The following ANKRD45 variants were observed in gnomAD, a reference collection of about 807,000 sequenced individuals.
ANKRD45 encodes ankyrin repeat domain-containing protein 45.
A neutral mutation model predicts 28.1 loss-of-function variants in ANKRD45; 21 were observed. The ratio of observed to expected loss-of-function variants is 0.75; its 90% CI spans 0.53 to 1.08. The LOEUF (loss-of-function observed/expected upper bound fraction) is 1.08, where lower values mean the gene tolerates loss of function less well. Ranked by LOEUF, ANKRD45 falls within the 50% of genes least tolerant of loss-of-function variation. ANKRD45 has a pLI of 0.00. For missense variants in ANKRD45, 261 were observed against 308.7 expected (o/e 0.85, Z 1.16); for synonymous variants, 86 against 103.9 (o/e 0.83, Z 1.05).
rs1036617871 is a variant in ANKRD45 at position 173,665,856 on chromosome 1, GA to G, written c.-16+3960del. ...AAACCCCATCTCTACAAAAAATACA[GA>G]AAAAAAAATAGCTGAGCATGGGGGC... is the stretch of plus-strand genomic sequence containing the variant. On this transcript the variant is annotated intron_variant, in intron 1 of 5. Coordinates refer to ENST00000333279, the MANE Select transcript of ANKRD45 (RefSeq NM_198493.3). Among the ~76,000 whole-genome samples, 24 of 150,350 alleles carry G rather than the reference GA, an allele frequency of 1.6e-4. 1 individual carries two copies. In the South Asian group the frequency reaches 4.6e-3, roughly 29 times the overall value.
the ANKRD45 span, among the ~76,000 whole-genome samples, chr1:173,683,934 C>T: frequency 6.6e-6 from 1 of 152,116 alleles, no homozygotes; most frequent in African/African-American, 2.4e-5. Context: ...GGTTCTTATC[C>T]CTGACACATG....
At chr1:173,695,025 A>C in the ANKRD45 span, among the ~76,000 whole-genome samples, 8 of 152,160 alleles carry the variant, frequency 5.3e-5, no homozygotes, top group East Asian at 1.5e-3. Flanking sequence ...ATTACTGGTA[A>C]AATTGAGAAA....
At chr1:173,655,108 C>A (rs1162675630) in intron 2 of ANKRD45, among the ~76,000 whole-genome samples, 1 of 152,154 alleles carries the variant, frequency 6.6e-6, no homozygotes, top group African/African-American at 2.4e-5. Flanking sequence ...GTCAACTCAT[C>A]AAAGTCATTC....
At chr1:173,611,576 T>TATAC (rs1361301689) in intron 5 of ANKRD45, among the ~76,000 whole-genome samples, 1 of 133,910 alleles carries the variant, frequency 7.5e-6, no homozygotes, top group Non-Finnish European at 1.7e-5. Flanking sequence ...AATACATACA[T>TATAC]ACACACACAC....
At chr1:173,632,801 T>G (rs1052822466) in intron 3 of ANKRD45, among the ~76,000 whole-genome samples, 2 of 151,920 alleles carry the variant, frequency 1.3e-5, no homozygotes, top group Admixed American at 1.3e-4. Context: ...AAATTTAATA[T>G]TCCTTCATGT....
chr1:173,704,111 C>G, the ANKRD45 span, among the ~76,000 whole-genome samples: 4 of 152,164 alleles, frequency 2.6e-5, no homozygotes, highest in Non-Finnish European at 1.5e-5. Flanking sequence ...GGTGGGGAGG[C>G]CTTTTCAACT....
the ANKRD45 span, among the ~76,000 whole-genome samples, chr1:173,689,651 C>T: frequency 1.3e-5 from 2 of 152,126 alleles, no homozygotes; most frequent in Non-Finnish European, 2.9e-5. Context: ...ATCTCATAGG[C>T]CCTTCGTCCT....
chr1:173,682,682 A>AGT, the ANKRD45 span, among the ~76,000 whole-genome samples: 9,277 of 95,242 alleles, frequency 0.097, 438 homozygotes, highest in East Asian at 0.39. Flanking sequence ...AGGCCTTTTA[A>AGT]ATACACACAC....
In ANKRD45 at chr1:173,653,756, G is replaced by A. The variant is rs545244462; in HGVS notation, c.328+5335C>T. On this transcript the variant is annotated intron_variant, in intron 2 of 5. Transcript: ENST00000333279. ...CTAAATCTCTTTGTAGGTCTCTAAG[G>A]ACCTGCTTTATGAATCTGGGTGCTC... Among the ~76,000 whole-genome samples the A allele has an allele frequency of 2.6e-4, 39 of 152,062 alleles. 2 individuals are homozygous for A. In the East Asian group the frequency reaches 4.8e-3, roughly 19 times the overall value.
chr1:173,698,859 C>CA, the ANKRD45 span, among the ~76,000 whole-genome samples: 112 of 146,822 alleles, frequency 7.6e-4, no homozygotes, highest in South Asian at 3.4e-3. Context: ...AAAAACCCTT[C>CA]AAAAAAATCA....
At chr1:173,692,900 G>A in the ANKRD45 span, among the ~76,000 whole-genome samples, 3 of 152,126 alleles carry the variant, frequency 2.0e-5, no homozygotes, top group Non-Finnish European at 4.4e-5. Context: ...GTGAAACCAC[G>A]TTCACCCTAA....
intron 2 of ANKRD45, among the ~76,000 whole-genome samples, chr1:173,656,221 T>TA (rs1223845052): frequency 2.0e-5 from 3 of 152,244 alleles, no homozygotes; most frequent in African/African-American, 7.2e-5. Flanking sequence ...GAGCTGTTCC[T>TA]ATTTGGCCAT....
At chr1:173,650,461 G>A (rs796898631) in intron 2 of ANKRD45, among the ~76,000 whole-genome samples, 13 of 152,248 alleles carry the variant, frequency 8.5e-5, no homozygotes, top group African/African-American at 2.9e-4. Context: ...AGAGCATTCC[G>A]TGGTATATAT....
At chr1:173,697,356 A>G in the ANKRD45 span, among the ~76,000 whole-genome samples, 8 of 152,216 alleles carry the variant, frequency 5.3e-5, no homozygotes, top group Non-Finnish European at 1.0e-4. Flanking sequence ...CCCAAGACAC[A>G]TAATTGTCAG....
the ANKRD45 span, among the ~76,000 whole-genome samples, chr1:173,688,749 T>C: frequency 8.0e-6 from 1 of 124,708 alleles, no homozygotes; most frequent in African/African-American, 5.2e-5. Context: ...CTCTCTCTCT[T>C]TCTGCCTCTT....
At chr1:173,650,008 ATATT>A (rs1265999804) in intron 2 of ANKRD45, among the ~76,000 whole-genome samples, 1 of 152,194 alleles carries the variant, frequency 6.6e-6, no homozygotes, top group Non-Finnish European at 1.5e-5. Context: ...CAGCGTTATG[ATATT>A]TAGTCTCACT....
chr1:173,680,934 G>A, the ANKRD45 span, among the ~76,000 whole-genome samples: 35 of 148,482 alleles, frequency 2.4e-4, no homozygotes, highest in Non-Finnish European at 4.0e-4. Context: ...TGGACACAGG[G>A]AGGGCAACAT....
intron 5 of ANKRD45, among the ~76,000 whole-genome samples, chr1:173,621,882 T>A (rs959209631): frequency 6.6e-6 from 1 of 152,174 alleles, no homozygotes; most frequent in African/African-American, 2.4e-5. Context: ...TGTTTGCAGA[T>A]GACATGATCC....
the ANKRD45 span, among the ~76,000 whole-genome samples, chr1:173,694,509 A>C: frequency 1.3e-5 from 2 of 149,856 alleles, no homozygotes; most frequent in Non-Finnish European, 3.0e-5. Context: ...TGTTTTCTTG[A>C]CTTTTAACCA....
Sources: allele counts gnomAD v4.1 joint callset (sites outside exome capture counted in the v4.1 genomes callset), GRCh38; gene constraint gnomAD v4.1.1; transcripts MANE v1.5; gene names NCBI Gene and HGNC (gene_info 2026-07-23, HGNC 2026-07-21).